Variants in RUNDC3B observed in about 807,000 individuals in gnomAD.
RUNDC3B encodes the protein RUN domain-containing protein 3B.
A neutral mutation model predicts 58.4 loss-of-function variants in RUNDC3B; 33 were observed. The observed-to-expected ratio is 0.56, with a 90% CI of 0.43 to 0.75. RUNDC3B has a LOEUF of 0.75. RUNDC3B is among the 30% of genes least tolerant of loss of function. The pLI, the probability that RUNDC3B is intolerant of heterozygous loss-of-function variation, is 0.00. For synonymous variants in RUNDC3B, 193 were observed against 195.2 expected, an observed-to-expected ratio of 0.99 and a Z score of 0.10; for missense variants, 501 against 535.7, an observed-to-expected ratio of 0.94 and a Z score of 0.64.
chr7:87,628,735 G>T lies in RUNDC3B; in HGVS notation c.-89G>T. On this transcript the variant is annotated 5_prime_UTR_variant, in exon 1 of 11. Coordinates refer to ENST00000394654, the MANE Select transcript of RUNDC3B (RefSeq NM_001134405.2). ...TCCTACATCCTTCCCGCGCCCCCACGGTTGCGGACCGAGCGAGAACCCCCT... is the reference window on the plus strand; with the variant it reads ...TCCTACATCCTTCCCGCGCCCCCACTGTTGCGGACCGAGCGAGAACCCCCT... 1.2e-6 allele frequency: 1 copy of T among 800,326 alleles called. No individual in the cohort carries two copies. The highest frequency in any genetic ancestry group is 1.7e-6 in the Non-Finnish European group (1 of 584,836). The allele number at this position is 800,326 out of a possible 1,614,324, so 49.6% of individuals were successfully genotyped here. A position where few individuals can be genotyped will look rare whatever the true frequency, so the allele number is the denominator to read the frequency against.
intron 9 of RUNDC3B, among the ~76,000 whole-genome samples, chr7:87,812,254 T>C (rs1836760843): frequency 6.6e-6 from 1 of 152,222 alleles, no homozygotes; most frequent in African/African-American, 2.4e-5. Context: ...TAGTTAGATG[T>C]TGAATTTAGT....
At chr7:87,684,523 C>T (rs1294974940) in intron 2 of RUNDC3B, among the ~76,000 whole-genome samples, 29 of 151,668 alleles carry the variant, frequency 1.9e-4, no homozygotes, top group Non-Finnish European at 1.2e-4. Flanking sequence ...CCGAGGCAGG[C>T]GGATCATGAG....
chr7:87,746,424 A>G (rs573238539), intron 6 of RUNDC3B, among the ~76,000 whole-genome samples: 2 of 152,316 alleles, frequency 1.3e-5, no homozygotes, highest in East Asian at 1.9e-4. Context: ...ACCCACAGCA[A>G]CTATTATTGT....
intron 6 of RUNDC3B, among the ~76,000 whole-genome samples, chr7:87,770,081 C>T (rs17329661): frequency 0.03 from 4,522 of 152,036 alleles, 64 homozygotes; most frequent in Middle Eastern, 0.048. Flanking sequence ...ACTGGATCTT[C>T]TGAACCTGTT....
At chr7:87,706,104 G>T (rs1200582685) in intron 3 of RUNDC3B, among the ~76,000 whole-genome samples, 1 of 152,074 alleles carries the variant, frequency 6.6e-6, no homozygotes, top group Non-Finnish European at 1.5e-5. Context: ...TTCCTTCATT[G>T]TTTAATTAGA....
At chr7:87,639,077 C>G (rs559296690) in intron 1 of RUNDC3B, among the ~76,000 whole-genome samples, 1 of 138,726 alleles carries the variant, frequency 7.2e-6, no homozygotes, top group Non-Finnish European at 1.5e-5. Flanking sequence ...GTGTAAACCC[C>G]GGAGGCGGAG....
At chr7:87,821,278 C>T (rs941568782) in intron 10 of RUNDC3B, among the ~76,000 whole-genome samples, 2 of 152,104 alleles carry the variant, frequency 1.3e-5, no homozygotes, top group African/African-American at 2.4e-5. Flanking sequence ...CATGAGTGAA[C>T]TCCCATTCAC....
chr7:87,637,722 G>T (rs1443564284), intron 1 of RUNDC3B, among the ~76,000 whole-genome samples: 1 of 151,764 alleles, frequency 6.6e-6, no homozygotes, highest in Non-Finnish European at 1.5e-5. Context: ...GTGGTTGTTG[G>T]TATATCGATA....
At chr7:87,721,582 T>C (rs561549998) in intron 4 of RUNDC3B, among the ~76,000 whole-genome samples, 1 of 152,300 alleles carries the variant, frequency 6.6e-6, no homozygotes, top group African/African-American at 2.4e-5. Flanking sequence ...ATTTGGACTA[T>C]ATACCTTCAA....
chr7:87,796,296 T>A (rs182068555), intron 8 of RUNDC3B, among the ~76,000 whole-genome samples: 92 of 152,236 alleles, frequency 6.0e-4, no homozygotes, highest in African/African-American at 1.8e-3. Context: ...GGAAGATGTT[T>A]ATCAGAGCCT....
At chr7:87,644,885 AT>A in intron 1 of RUNDC3B, among the ~76,000 whole-genome samples, 1 of 152,082 alleles carries the variant, frequency 6.6e-6, no homozygotes, top group East Asian at 1.9e-4. Context: ...CACATTTAAA[AT>A]TTTTAAGTTA....
In RUNDC3B at chr7:87,809,832, C is replaced by T. The variant is rs191769355; in HGVS notation, c.1103+2313C>T. Among the ~76,000 whole-genome samples, 6 of 152,264 alleles carry T rather than the reference C, an allele frequency of 3.9e-5. No homozygotes were observed. The East Asian group carries it at 1.2e-3, about 29-fold the overall frequency. ...CCAATCACAGCTTTTCATCAGGATC[C>T]AGTTTTTTCTCCCTTCAAACTTTTA... On this transcript the variant is annotated intron_variant, in intron 9 of 10. Coordinates refer to ENST00000394654, the MANE Select transcript of RUNDC3B (RefSeq NM_001134405.2).
At chr7:87,781,236 G>C (rs1834903253) in intron 8 of RUNDC3B, among the ~76,000 whole-genome samples, 1 of 151,824 alleles carries the variant, frequency 6.6e-6, no homozygotes, top group Admixed American at 6.6e-5. Context: ...GGTATTTTGT[G>C]CATGTGTGGC....
chr7:87,637,043 T>G lies in RUNDC3B; in HGVS notation c.122+8098T>G, dbSNP rs1182196811. ...TAAAACCATCAGCTCTCGTGAGCTCTTACTCACTATCATGAGACTAGCATG... is the reference window on the plus strand; with the variant it reads ...TAAAACCATCAGCTCTCGTGAGCTCGTACTCACTATCATGAGACTAGCATG... On this transcript the variant is annotated intron_variant, in intron 1 of 10. Coordinates refer to ENST00000394654, the MANE Select transcript of RUNDC3B (RefSeq NM_001134405.2). Among the ~76,000 whole-genome samples, 3 of 152,140 alleles carry G rather than the reference T, an allele frequency of 2.0e-5. No homozygotes were observed. The South Asian group carries it at 6.2e-4, about 31-fold the overall frequency.
intron 3 of RUNDC3B, among the ~76,000 whole-genome samples, chr7:87,702,167 A>C (rs1829134212): frequency 6.7e-6 from 1 of 150,082 alleles, no homozygotes; most frequent in South Asian, 2.1e-4. Context: ...AAAAAAAAAA[A>C]AAAAACAGAG....
intron 10 of RUNDC3B, among the ~76,000 whole-genome samples, chr7:87,820,514 G>C (rs1355157031): frequency 1.9e-4 from 29 of 152,130 alleles, no homozygotes; most frequent in Non-Finnish European, 3.8e-4. Flanking sequence ...TAGAAAAAGA[G>C]AGAATCCTCC....
At position 87,628,700 on chromosome 7, in the gene RUNDC3B, C is replaced by T. The variant is rs2130162205; in HGVS notation, c.-124C>T. On this transcript the variant is annotated 5_prime_UTR_variant, in exon 1 of 11. Transcript: ENST00000394654. ...CTGTCTTCCACACCCTTCCTCCCTC[C>T]AGGCTCCTTTCCTACATCCTTCCCG... The T allele has an allele frequency of 3.5e-6, 2 of 571,250 alleles. No homozygotes were observed. The highest frequency in any genetic ancestry group is 1.9e-4 in the South Asian group (2 of 10,492). 35.4% of individuals were successfully genotyped at this position (571,250 alleles called of 1,614,324 possible).
chr7:87,787,375 C>T (rs981534453), intron 8 of RUNDC3B, among the ~76,000 whole-genome samples: 1 of 151,846 alleles, frequency 6.6e-6, no homozygotes, highest in Non-Finnish European at 1.5e-5. Context: ...AGGAAAAGGC[C>T]AGAGAAGGAA....
chr7:87,799,720 CTACTAAAAG>C (rs1309376644), intron 8 of RUNDC3B, among the ~76,000 whole-genome samples: 1 of 151,894 alleles, frequency 6.6e-6, no homozygotes, highest in Non-Finnish European at 1.5e-5. Context: ...AAGCCCGTCT[CTACTAAAAG>C]TACAAAAATT....
Sources: allele counts gnomAD v4.1 joint callset (sites outside exome capture counted in the v4.1 genomes callset), GRCh38; gene constraint gnomAD v4.1.1; transcripts MANE v1.5; gene names NCBI Gene and HGNC (gene_info 2026-07-23, HGNC 2026-07-21).